PCED1B: variants seen among roughly 807,000 people sequenced by gnomAD.
PCED1B encodes PC-esterase domain containing 1B.
For synonymous variants in PCED1B, 251 were observed against 246.1 expected (o/e 1.02, Z -0.19); for missense variants, 573 against 573.9 (o/e 1.00, Z 0.02).
intron 2 of PCED1B, among the ~76,000 whole-genome samples, chr12:47,148,956 C>A (rs1940892507): frequency 6.6e-6 from 1 of 152,108 alleles, no homozygotes; most frequent in Admixed American, 6.6e-5. Context: ...TTCTCCTTCC[C>A]CATCCCCATT....
intron 2 of PCED1B, chr12:47,208,879 G>A (rs990793467): frequency 6.6e-6 from 1 of 152,394 alleles, no homozygotes; most frequent in African/African-American, 2.4e-5. Context: ...CTGAGAGGCT[G>A]AGGCAGGCAG....
At chr12:47,152,266 G>A (rs537818545) in intron 2 of PCED1B, among the ~76,000 whole-genome samples, 94 of 152,222 alleles carry the variant, frequency 6.2e-4, no homozygotes, top group African/African-American at 2.2e-3. Context: ...GGAGAAACCT[G>A]GCCAAGACCA....
chr12:47,106,235 A>AT, intron 2 of PCED1B, among the ~76,000 whole-genome samples: 2 of 152,222 alleles, frequency 1.3e-5, no homozygotes, highest in Non-Finnish European at 2.9e-5. Context: ...AAAAAGGACC[A>AT]TTTTTATAGC....
intron 1 of PCED1B, among the ~76,000 whole-genome samples, chr12:47,085,463 A>G (rs1472910736): frequency 6.6e-6 from 1 of 152,188 alleles, no homozygotes; most frequent in African/African-American, 2.4e-5. Context: ...TAAGTATTCT[A>G]TTGTGATGGG....
intron 1 of PCED1B, among the ~76,000 whole-genome samples, chr12:47,089,808 G>A (rs1466802219): frequency 7.2e-6 from 1 of 139,520 alleles, no homozygotes; most frequent in Non-Finnish European, 1.5e-5. Flanking sequence ...GAGCCTTGCT[G>A]TGTCACCCAG....
chr12:47,191,952 C>G (rs1220416104), intron 2 of PCED1B, among the ~76,000 whole-genome samples: 1 of 152,092 alleles, frequency 6.6e-6, no homozygotes, highest in Non-Finnish European at 1.5e-5. Flanking sequence ...TAACATGGCG[C>G]TTGCCACAGA....
At chr12:47,135,198 T>C (rs775071109) in intron 2 of PCED1B, among the ~76,000 whole-genome samples, 1 of 152,256 alleles carries the variant, frequency 6.6e-6, no homozygotes, top group Non-Finnish European at 1.5e-5. Flanking sequence ...ATTCCTATAG[T>C]AAATTTCATA....
intron 2 of PCED1B, among the ~76,000 whole-genome samples, chr12:47,165,455 A>T (rs574168745): frequency 4.6e-4 from 70 of 152,372 alleles, no homozygotes; most frequent in South Asian, 1.9e-3. Context: ...ATGGGGAAAG[A>T]TTCTGAGAGC....
intron 2 of PCED1B, among the ~76,000 whole-genome samples, chr12:47,113,909 C>T (rs115263080): frequency 0.021 from 3,256 of 151,678 alleles, 135 homozygotes; most frequent in African/African-American, 0.076. Flanking sequence ...CGAGATTGCG[C>T]CCCTGCACTC....
At chr12:47,080,800 CCT>C (rs1271171163) in intron 1 of PCED1B, among the ~76,000 whole-genome samples, 1 of 151,856 alleles carries the variant, frequency 6.6e-6, no homozygotes, top group African/African-American at 2.4e-5. Flanking sequence ...CTTCTCTCTC[CCT>C]CTCTCTCTCC....
In PCED1B at chr12:47,099,534, G is replaced by A. The variant is rs114813295; in HGVS notation, c.-608-4579G>A. ...ACATGTTCTACATATAATTTTAATGGATATTCCTTCTCCCTCTCTCAGAAT... is the reference window on the plus strand; with the variant it reads ...ACATGTTCTACATATAATTTTAATGAATATTCCTTCTCCCTCTCTCAGAAT... On this transcript the variant is annotated intron_variant, in intron 1 of 3. Coordinates refer to ENST00000546455, the MANE Select transcript of PCED1B (RefSeq NM_138371.3). Among the ~76,000 whole-genome samples the A allele has an allele frequency of 4.6e-3, 698 of 152,226 alleles. 3 individuals are homozygous for A. The highest frequency in any genetic ancestry group is 0.015 in the African/African-American group (618 of 41,536).
intron 2 of PCED1B, among the ~76,000 whole-genome samples, chr12:47,170,183 G>C (rs1254517160): frequency 6.6e-6 from 1 of 152,112 alleles, no homozygotes; most frequent in Non-Finnish European, 1.5e-5. Context: ...AGTGGACACA[G>C]CACATGTTTC....
intron 3 of PCED1B, among the ~76,000 whole-genome samples, chr12:47,228,253 C>T (rs1438069046): frequency 6.6e-6 from 1 of 152,070 alleles, no homozygotes; most frequent in Non-Finnish European, 1.5e-5. Flanking sequence ...CCAGGCTGGT[C>T]CTGACCTCAG....
intron 2 of PCED1B, among the ~76,000 whole-genome samples, chr12:47,112,526 G>C (rs1369664158): frequency 6.6e-6 from 1 of 152,176 alleles, no homozygotes; most frequent in Non-Finnish European, 1.5e-5. Context: ...TTCCCTGGCT[G>C]TTTCTATTTA....
At chr12:47,220,068 C>CAAAAAAAA (rs763940625) in intron 3 of PCED1B, among the ~76,000 whole-genome samples, 1 of 103,732 alleles carries the variant, frequency 9.6e-6, no homozygotes, top group Non-Finnish European at 2.1e-5. Flanking sequence ...GACACTGCCT[C>CAAAAAAAA]AAAAAAAAAA....
intron 2 of PCED1B, among the ~76,000 whole-genome samples, chr12:47,180,452 A>G (rs1942058507): frequency 6.6e-6 from 1 of 152,160 alleles, no homozygotes; most frequent in South Asian, 2.1e-4. Flanking sequence ...CCTTCCTTAC[A>G]CCTTATACAA....
chr12:47,184,495 C>T (rs1942193849), intron 2 of PCED1B, among the ~76,000 whole-genome samples: 1 of 152,068 alleles, frequency 6.6e-6, no homozygotes, highest in South Asian at 2.1e-4. Context: ...CTGGTTCTAG[C>T]CCTTCAAAGC....
intron 2 of PCED1B, among the ~76,000 whole-genome samples, chr12:47,129,141 A>G (rs189181971): frequency 1.2e-4 from 18 of 152,134 alleles, no homozygotes; most frequent in Middle Eastern, 3.4e-3. Flanking sequence ...TTGGTACTCT[A>G]TTTCCCTGCC....
chr12:47,134,940 G>A (rs896801167), intron 2 of PCED1B, among the ~76,000 whole-genome samples: 2 of 152,116 alleles, frequency 1.3e-5, no homozygotes, highest in Non-Finnish European at 2.9e-5. Context: ...CTAATCCACA[G>A]AACAGAGCTC....
Sources: gnomAD v4.1 joint callset for allele counts (sites outside exome capture counted in the v4.1 genomes callset) on GRCh38, gnomAD v4.1.1 for gene constraint, MANE v1.5 for transcripts, NCBI Gene and HGNC (gene_info 2026-07-23, HGNC 2026-07-21) for gene names.